The following SYT1 variants were observed in gnomAD, a reference collection of about 807,000 sequenced individuals.
The protein encoded by SYT1 is synaptotagmin-1.
In SYT1, 8 loss-of-function variants were observed where a neutral mutation model predicts 44.8. The observed-to-expected ratio is 0.18, with a 90% CI of 0.10 to 0.32. The LOEUF (loss-of-function observed/expected upper bound fraction) is 0.32, where lower values mean the gene tolerates loss of function less well. Among genes scored for constraint, SYT1 ranks in the 10% least tolerant of loss-of-function variants. The pLI, the probability that SYT1 is intolerant of heterozygous loss-of-function variation, is 1.00. For missense variants in SYT1, 286 were observed against 509.3 expected, an observed-to-expected ratio of 0.56 and a Z score of 4.22; for synonymous variants, 154 against 188.8, an observed-to-expected ratio of 0.82 and a Z score of 1.51.
At chr12:79,360,725 C>T (rs1044624407) in intron 9 of SYT1, among the ~76,000 whole-genome samples, 1 of 152,080 alleles carries the variant, frequency 6.6e-6, no homozygotes, top group African/African-American at 2.4e-5. Context: ...ATGAATGTTA[C>T]AATATAATAT....
At chr12:79,190,794 C>A (rs1340920621) in intron 3 of SYT1, among the ~76,000 whole-genome samples, 1 of 152,014 alleles carries the variant, frequency 6.6e-6, no homozygotes, top group Non-Finnish European at 1.5e-5. Context: ...AGCATTTGAT[C>A]ATTTTACTTC....
chr12:78,903,511 T>G (rs1875783167), intron 1 of SYT1, among the ~76,000 whole-genome samples: 1 of 151,990 alleles, frequency 6.6e-6, no homozygotes, highest in Non-Finnish European at 1.5e-5. Context: ...GGCCTCGAAC[T>G]ACTGACTTCG....
chr12:79,132,219 G>A (rs538138156), intron 3 of SYT1, among the ~76,000 whole-genome samples: 1 of 152,304 alleles, frequency 6.6e-6, no homozygotes, highest in South Asian at 2.1e-4. Flanking sequence ...GGGAGGCCAA[G>A]GTGGGTGGAT....
chr12:79,181,215 G>A (rs960069782), intron 3 of SYT1, among the ~76,000 whole-genome samples: 1 of 151,918 alleles, frequency 6.6e-6, no homozygotes, highest in African/African-American at 2.4e-5. Flanking sequence ...ACTAATCCAC[G>A]TTTACAATTG....
rs569510135 is a variant in SYT1, at chr12:78,978,278, T to TG, written c.-84+348dup. 1.3e-3 allele frequency among the ~76,000 whole-genome samples: 193 copies of TG among 152,294 alleles called. 1 individual carries two copies. The highest frequency in any genetic ancestry group is 4.4e-3 in the African/African-American group (184 of 41,572). On this transcript the variant is annotated intron_variant, in intron 2 of 10. Transcript: ENST00000261205. The stretch of plus-strand genomic sequence containing the variant: ...ATCTGTAGATGATCTTGAGCAGTCT[T>TG]GCATTCTAAAAGAATATGCCATGGC...
intron 3 of SYT1, among the ~76,000 whole-genome samples, chr12:79,100,607 G>A (rs916227666): frequency 6.6e-6 from 1 of 152,086 alleles, no homozygotes; most frequent in Non-Finnish European, 1.5e-5. Context: ...ATTATCAGAT[G>A]ATGGGGTGGC....
chr12:79,257,048 T>C (rs1408631172), intron 4 of SYT1, among the ~76,000 whole-genome samples: 1 of 152,190 alleles, frequency 6.6e-6, no homozygotes, highest in Non-Finnish European at 1.5e-5. Context: ...TAAATGATCT[T>C]AAAGATGTAG....
At chr12:78,953,266 TG>T (rs1319349634) in intron 1 of SYT1, among the ~76,000 whole-genome samples, 2 of 152,032 alleles carry the variant, frequency 1.3e-5, no homozygotes, top group Non-Finnish European at 2.9e-5. Context: ...AGAGATGAAA[TG>T]GATATGTTTG....
intron 1 of SYT1, among the ~76,000 whole-genome samples, chr12:78,866,940 A>G (rs1873577274): frequency 6.6e-6 from 1 of 152,144 alleles, no homozygotes; most frequent in South Asian, 2.1e-4. Flanking sequence ...TTCATTTGCC[A>G]TCAGTGTAAT....
chr12:79,375,824 C>G (rs1244939969), intron 9 of SYT1, among the ~76,000 whole-genome samples: 1 of 152,080 alleles, frequency 6.6e-6, no homozygotes, highest in Non-Finnish European at 1.5e-5. Flanking sequence ...AGCAGGGCGC[C>G]TGACTCAAAA....
intron 1 of SYT1, among the ~76,000 whole-genome samples, chr12:78,952,389 A>G (rs975392601): frequency 3.3e-5 from 5 of 152,080 alleles, no homozygotes; most frequent in East Asian, 1.9e-4. Context: ...CTCATTGTCA[A>G]TTGTGCCTCT....
At chr12:78,901,735 G>C (rs1196306656) in intron 1 of SYT1, among the ~76,000 whole-genome samples, 1 of 152,122 alleles carries the variant, frequency 6.6e-6, no homozygotes, top group Non-Finnish European at 1.5e-5. Flanking sequence ...CCAACTGGTT[G>C]TTGTTGAGTG....
At chr12:79,014,001 C>A (rs1246661511) in intron 2 of SYT1, among the ~76,000 whole-genome samples, 1 of 141,668 alleles carries the variant, frequency 7.1e-6, no homozygotes, top group African/African-American at 2.8e-5. Context: ...TGGTGGGCGC[C>A]TGTAGTCCCA....
chr12:79,067,448 A>G (rs1353215096), intron 3 of SYT1, among the ~76,000 whole-genome samples: 1 of 152,158 alleles, frequency 6.6e-6, no homozygotes, highest in East Asian at 1.9e-4. Context: ...ATATAAATAT[A>G]GTCATTTTCT....
At position 79,155,698 on chromosome 12, in the gene SYT1, A is replaced by G. The variant is rs541555191; in HGVS notation, c.-17-61805A>G. ...CATCAATGCATTCTTTATCACAATT[A>G]CAAATATCTAGTTTCACTTTTAAAA... On this transcript the variant is annotated intron_variant, in intron 3 of 10. Transcript: ENST00000261205. Among the ~76,000 whole-genome samples, 9 of 152,340 alleles carry G rather than the reference A, an allele frequency of 5.9e-5. No homozygotes were observed. In the South Asian group the frequency reaches 1.9e-3, roughly 32 times the overall value.
chr12:79,255,244 A>C (rs1489320836), intron 4 of SYT1, among the ~76,000 whole-genome samples: 1 of 152,222 alleles, frequency 6.6e-6, no homozygotes, highest in Non-Finnish European at 1.5e-5. Context: ...GTCAGCATCC[A>C]TCAGCCTTCA....
intron 1 of SYT1, among the ~76,000 whole-genome samples, chr12:78,912,754 C>T (rs1876413879): frequency 6.6e-6 from 1 of 151,874 alleles, no homozygotes; most frequent in South Asian, 2.1e-4. Context: ...GTTGGTAGGA[C>T]ATCTAAGTGT....
chr12:79,378,555 A>T (rs897371894), intron 9 of SYT1, among the ~76,000 whole-genome samples: 1 of 152,236 alleles, frequency 6.6e-6, no homozygotes, highest in African/African-American at 2.4e-5. Context: ...ATTAAAAACA[A>T]ATCTTGCTCC....
chr12:79,272,217 T>A (rs547328975), intron 4 of SYT1, among the ~76,000 whole-genome samples: 1 of 152,090 alleles, frequency 6.6e-6, no homozygotes, highest in South Asian at 2.1e-4. Context: ...TAGAGGTGAG[T>A]GTGGGGGAAC....
Sources: allele counts gnomAD v4.1 joint callset (sites outside exome capture counted in the v4.1 genomes callset), GRCh38; gene constraint gnomAD v4.1.1; transcripts MANE v1.5; gene names NCBI Gene and HGNC (gene_info 2026-07-23, HGNC 2026-07-21).